The following LRRTM4 variants were observed in gnomAD, a reference collection of about 807,000 sequenced individuals.
The protein encoded by LRRTM4 is leucine rich repeat transmembrane neuronal 4.
In LRRTM4, 25 loss-of-function variants were observed where a neutral mutation model predicts 47.6. The ratio of observed to expected loss-of-function variants is 0.53; its 90% CI spans 0.38 to 0.73. The LOEUF (loss-of-function observed/expected upper bound fraction) is 0.73. Ranked by LOEUF, LRRTM4 falls within the 30% of genes least tolerant of loss-of-function variation. The pLI is 0.00. For missense variants in LRRTM4, 638 were observed against 713.4 expected (o/e 0.89, Z 1.20); for synonymous variants, 311 against 269.5 (o/e 1.15, Z -1.51).
In LRRTM4 at chr2:77,244,865, A is replaced by C. The variant is rs913638081; in HGVS notation, c.1551+273453T>G. 3.4e-4 allele frequency among the ~76,000 whole-genome samples: 51 copies of C among 152,164 alleles called. 1 individual carries two copies. The highest frequency in any genetic ancestry group is 4.4e-5 in the Non-Finnish European group (3 of 68,034). On this transcript the variant is annotated intron_variant, in intron 3 of 3. Coordinates refer to ENST00000409884, the MANE Select transcript of LRRTM4 (RefSeq NM_001134745.3). ...AATAAAGGGTCTCAGCCCAAAGTTC[A>C]TGAGAAAACAAATCCTGGCAACATC...
intron 3 of LRRTM4, among the ~76,000 whole-genome samples, chr2:77,194,069 T>C (rs1409175820): frequency 6.6e-6 from 1 of 152,182 alleles, no homozygotes; most frequent in Admixed American, 6.5e-5. Context: ...TTGATGGTTA[T>C]TGAGAAACAT....
chr2:77,420,912 G>A (rs553338930), intron 3 of LRRTM4, among the ~76,000 whole-genome samples: 6 of 145,770 alleles, frequency 4.1e-5, no homozygotes, highest in African/African-American at 1.5e-4. Context: ...AGACTAATGA[G>A]CACCTCAAAC....
chr2:77,416,647 T>A (rs774896593), intron 3 of LRRTM4, among the ~76,000 whole-genome samples: 2 of 152,054 alleles, frequency 1.3e-5, no homozygotes, highest in African/African-American at 4.8e-5. Context: ...TTCATTAATA[T>A]AATCTTAGCA....
intron 3 of LRRTM4, among the ~76,000 whole-genome samples, chr2:77,170,303 A>T (rs1443865596): frequency 6.6e-6 from 1 of 152,204 alleles, no homozygotes; most frequent in Non-Finnish European, 1.5e-5. Flanking sequence ...AGCGGATATG[A>T]GCTGAGGAAT....
chr2:76,860,952 T>C (rs1445721878), intron 3 of LRRTM4, among the ~76,000 whole-genome samples: 2 of 152,230 alleles, frequency 1.3e-5, no homozygotes, highest in East Asian at 3.9e-4. Flanking sequence ...ATGGAAATAC[T>C]AATAATATAT....
intron 3 of LRRTM4, among the ~76,000 whole-genome samples, chr2:77,169,174 T>C (rs929775536): frequency 1.3e-5 from 2 of 152,102 alleles, no homozygotes; most frequent in Non-Finnish European, 2.9e-5. Context: ...AAAACAAGGA[T>C]GCCTACTTTC....
At chr2:77,285,688 G>T (rs1427612190) in intron 3 of LRRTM4, among the ~76,000 whole-genome samples, 1 of 151,930 alleles carries the variant, frequency 6.6e-6, no homozygotes, top group Non-Finnish European at 1.5e-5. Context: ...GCTGCAGTGA[G>T]CTGAGATCGT....
At chr2:76,896,024 G>A (rs1673406626) in intron 3 of LRRTM4, among the ~76,000 whole-genome samples, 1 of 152,040 alleles carries the variant, frequency 6.6e-6, no homozygotes, top group African/African-American at 2.4e-5. Flanking sequence ...GGGCAAATTT[G>A]TGCCAAGTAA....
intron 3 of LRRTM4, among the ~76,000 whole-genome samples, chr2:77,191,341 T>C (rs1484065174): frequency 1.3e-5 from 2 of 152,024 alleles, no homozygotes; most frequent in African/African-American, 4.8e-5. Flanking sequence ...ACACAGTATA[T>C]GGAAATTTAT....
chr2:77,187,439 A>G (rs1040699339), intron 3 of LRRTM4, among the ~76,000 whole-genome samples: 3 of 139,268 alleles, frequency 2.2e-5, no homozygotes, highest in African/African-American at 7.8e-5. Context: ...ACACATGGAC[A>G]CAGGAAGGGG....
intron 3 of LRRTM4, among the ~76,000 whole-genome samples, chr2:76,795,765 C>G (rs1675268137): frequency 1.3e-5 from 2 of 152,054 alleles, no homozygotes; most frequent in Admixed American, 6.5e-5. Context: ...TACCCTGACA[C>G]CAAAGCCAGA....
intron 3 of LRRTM4, among the ~76,000 whole-genome samples, chr2:76,805,544 A>G (rs1488876648): frequency 6.6e-6 from 1 of 152,190 alleles, no homozygotes; most frequent in Non-Finnish European, 1.5e-5. Flanking sequence ...AAACCTACTG[A>G]AAATATATTA....
chr2:76,910,513 G>T (rs1416909457), intron 3 of LRRTM4, among the ~76,000 whole-genome samples: 3 of 151,684 alleles, frequency 2.0e-5, no homozygotes, highest in African/African-American at 4.8e-5. Flanking sequence ...AAAAAGAAAA[G>T]GCATCATTCT....
chr2:76,926,152 T>C (rs1674583204), intron 3 of LRRTM4, among the ~76,000 whole-genome samples: 2 of 152,178 alleles, frequency 1.3e-5, no homozygotes, highest in East Asian at 1.9e-4. Flanking sequence ...TTCTTTTGGA[T>C]TGTAATGTTT....
chr2:77,357,739 T>C (rs1285467037), intron 3 of LRRTM4, among the ~76,000 whole-genome samples: 5 of 152,198 alleles, frequency 3.3e-5, no homozygotes, highest in Admixed American at 3.3e-4. Flanking sequence ...CTTTATATAT[T>C]TTTTAAGAAA....
At chr2:77,380,571 T>C (rs1573336643) in intron 3 of LRRTM4, among the ~76,000 whole-genome samples, 1 of 151,840 alleles carries the variant, frequency 6.6e-6, no homozygotes, top group Non-Finnish European at 1.5e-5. Context: ...CCAAGATGGG[T>C]GGATCACTTG....
At chr2:77,281,614 C>A (rs1280788529) in intron 3 of LRRTM4, among the ~76,000 whole-genome samples, 1 of 151,766 alleles carries the variant, frequency 6.6e-6, no homozygotes, top group Non-Finnish European at 1.5e-5. Flanking sequence ...GGTAATAAGG[C>A]AATTTGCAGC....
chr2:76,863,425 G>T (rs1374295993), intron 3 of LRRTM4, among the ~76,000 whole-genome samples: 1 of 152,132 alleles, frequency 6.6e-6, no homozygotes, highest in Non-Finnish European at 1.5e-5. Flanking sequence ...TAGAGCATGG[G>T]ATGAGTATTT....
intron 3 of LRRTM4, among the ~76,000 whole-genome samples, chr2:77,085,189 T>C (rs1000325177): frequency 6.6e-6 from 1 of 151,872 alleles, no homozygotes; most frequent in African/African-American, 2.4e-5. Flanking sequence ...TATTGGTCTT[T>C]AATACATTTT....
Sources: allele counts gnomAD v4.1 joint callset (sites outside exome capture counted in the v4.1 genomes callset), GRCh38; gene constraint gnomAD v4.1.1; transcripts MANE v1.5; gene names NCBI Gene and HGNC (gene_info 2026-07-23, HGNC 2026-07-21).